Variants in TCF7L2 observed in about 807,000 individuals in gnomAD.
The protein encoded by TCF7L2 is transcription factor 7-like 2.
Under a neutral mutation model 77.9 loss-of-function variants are expected in TCF7L2, and 23 were observed. The ratio of observed to expected loss-of-function variants is 0.30; its 90% confidence interval spans 0.21 to 0.42. The LOEUF (loss-of-function observed/expected upper bound fraction) is 0.42. Among genes scored for constraint, TCF7L2 ranks in the 10% least tolerant of loss-of-function variants. The pLI, the probability that TCF7L2 is intolerant of heterozygous loss-of-function variation, is 1.00. For synonymous variants in TCF7L2, 413 were observed against 340.2 expected (o/e 1.21, Z -2.36); for missense variants, 654 against 793.1 (o/e 0.82, Z 2.11).
chr10:113,034,037 C>T (rs1229174623), intron 4 of TCF7L2, among the ~76,000 whole-genome samples: 1 of 152,182 alleles, frequency 6.6e-6, no homozygotes, highest in Non-Finnish European at 1.5e-5. Flanking sequence ...CCGTGACGCC[C>T]AGGCAAAATT....
At chr10:113,120,660 T>C (rs372396456) in intron 5 of TCF7L2, among the ~76,000 whole-genome samples, 3 of 152,142 alleles carry the variant, frequency 2.0e-5, no homozygotes, top group East Asian at 1.9e-4. Context: ...GAGGGTGTTA[T>C]GAAATACTGA....
chr10:112,989,140 T>G (rs1330352133), intron 4 of TCF7L2, among the ~76,000 whole-genome samples: 1 of 152,144 alleles, frequency 6.6e-6, no homozygotes, highest in Non-Finnish European at 1.5e-5. Flanking sequence ...AGAATCCTTT[T>G]GCAAGTGAAT....
chr10:113,139,146 C>T (rs1189976382), intron 5 of TCF7L2, among the ~76,000 whole-genome samples: 1 of 152,192 alleles, frequency 6.6e-6, no homozygotes, highest in Non-Finnish European at 1.5e-5. Flanking sequence ...AGCTGGTCTG[C>T]TTTCTTTCAT....
chr10:113,158,181 G>A, intron 12 of TCF7L2, 112 bp downstream of exon 12: 4 of 1,155,236 alleles, frequency 3.5e-6, no homozygotes, highest in South Asian at 1.4e-5. Context: ...GACATTGTGG[G>A]GGAACCCTTC....
chr10:113,093,741 C>T (rs755744786), intron 5 of TCF7L2, among the ~76,000 whole-genome samples: 5 of 152,158 alleles, frequency 3.3e-5, no homozygotes, highest in Non-Finnish European at 7.4e-5. Context: ...CACACAAAGT[C>T]ATTACATTGA....
At chr10:113,043,623 A>G (rs1011485760) in intron 5 of TCF7L2, among the ~76,000 whole-genome samples, 3 of 151,444 alleles carry the variant, frequency 2.0e-5, no homozygotes, top group Non-Finnish European at 4.4e-5. Flanking sequence ...TCCCCAACAA[A>G]TTCATGGACT....
intron 4 of TCF7L2, among the ~76,000 whole-genome samples, chr10:113,019,390 G>A (rs923929365): frequency 6.6e-6 from 1 of 151,990 alleles, no homozygotes; most frequent in Non-Finnish European, 1.5e-5. Context: ...TAATGGTTGT[G>A]GGGGGGTGGC....
intron 4 of TCF7L2, among the ~76,000 whole-genome samples, chr10:113,033,101 C>G (rs943546546): frequency 2.0e-5 from 3 of 151,748 alleles, no homozygotes; most frequent in African/African-American, 7.3e-5. Flanking sequence ...GTTTTTTTTC[C>G]CCCAAGTCAA....
intron 4 of TCF7L2, among the ~76,000 whole-genome samples, chr10:112,974,905 G>A (rs745318030): frequency 5.9e-5 from 9 of 151,958 alleles, no homozygotes; most frequent in Non-Finnish European, 1.2e-4. Flanking sequence ...TAGTTAATTT[G>A]TTTCTTGAGT....
chr10:113,140,595 C>G (rs773401695), intron 5 of TCF7L2, among the ~76,000 whole-genome samples: 2 of 152,170 alleles, frequency 1.3e-5, no homozygotes, highest in Non-Finnish European at 2.9e-5. Context: ...AAAGTTCACA[C>G]TCCCACCCAA....
intron 8 of TCF7L2, among the ~76,000 whole-genome samples, chr10:113,149,229 CT>C (rs1368815570): frequency 6.6e-6 from 1 of 152,046 alleles, no homozygotes; most frequent in Admixed American, 6.5e-5. Context: ...AGGGGTTTTG[CT>C]TTTTTTGTTT....
intron 4 of TCF7L2, among the ~76,000 whole-genome samples, chr10:112,983,019 G>T (rs2040764259): frequency 1.3e-5 from 2 of 152,194 alleles, no homozygotes; most frequent in South Asian, 4.1e-4. Context: ...CTGGGGGTGA[G>T]ATGGGACTTA....
At chr10:112,995,907 T>C (rs2043385211) in intron 4 of TCF7L2, among the ~76,000 whole-genome samples, 1 of 152,202 alleles carries the variant, frequency 6.6e-6, no homozygotes, top group Non-Finnish European at 1.5e-5. Context: ...TATCTGTGAG[T>C]AAATAAGTTA....
At chr10:113,035,623 C>G (rs2051050663) in intron 4 of TCF7L2, among the ~76,000 whole-genome samples, 1 of 152,208 alleles carries the variant, frequency 6.6e-6, no homozygotes. Context: ...TCTGGAACTC[C>G]TGGCCTTAAG....
intron 5 of TCF7L2, among the ~76,000 whole-genome samples, chr10:113,050,725 G>A (rs1341825340): frequency 6.6e-6 from 1 of 152,142 alleles, no homozygotes; most frequent in East Asian, 1.9e-4. Context: ...AGTGACCAAG[G>A]CAAGACATTG....
At chr10:113,120,741 A>G (rs1392827560) in intron 5 of TCF7L2, among the ~76,000 whole-genome samples, 3 of 152,178 alleles carry the variant, frequency 2.0e-5, no homozygotes, top group African/African-American at 7.2e-5. Context: ...CCGATAGCGG[A>G]GTAGATTGTG....
chr10:113,112,527 A>T (rs1429099757), intron 5 of TCF7L2, among the ~76,000 whole-genome samples: 1 of 152,200 alleles, frequency 6.6e-6, no homozygotes, highest in Admixed American at 6.5e-5. Context: ...GGGTGTGTGC[A>T]CACCTAATTT....
intron 4 of TCF7L2, among the ~76,000 whole-genome samples, chr10:112,996,266 T>C (rs977461892): frequency 6.6e-6 from 1 of 152,156 alleles, no homozygotes; most frequent in African/African-American, 2.4e-5. Context: ...CTCTCGGATA[T>C]GGCGACCGAA....
chr10:113,089,268 A>G, intron 5 of TCF7L2: 8 of 1,022,984 alleles, frequency 7.8e-6, no homozygotes, highest in Non-Finnish European at 1.1e-5. Context: ...GGGAACTGTA[A>G]TCCCTCTATC....
Sources: allele counts gnomAD v4.1 joint callset (sites outside exome capture counted in the v4.1 genomes callset), GRCh38; gene constraint gnomAD v4.1.1; transcripts MANE v1.5; gene names NCBI Gene and HGNC (gene_info 2026-07-23, HGNC 2026-07-21).